ZDHHC6: variants seen among roughly 807,000 people sequenced by gnomAD.
ZDHHC6 encodes palmitoyltransferase ZDHHC6.
In ZDHHC6, 32 loss-of-function variants were observed where a neutral mutation model predicts 57.8. The observed-to-expected ratio is 0.55, with a 90% CI of 0.42 to 0.74. ZDHHC6 has a LOEUF of 0.74. Ranked by LOEUF, ZDHHC6 falls within the 30% of genes least tolerant of loss-of-function variation. The pLI, the probability that ZDHHC6 is intolerant of heterozygous loss-of-function variation, is 0.00. For synonymous variants in ZDHHC6, 128 were observed against 158.0 expected, an observed-to-expected ratio of 0.81 and a Z score of 1.42; for missense variants, 433 against 500.7, an observed-to-expected ratio of 0.86 and a Z score of 1.29.
At chr10:112,439,829 T>C (rs1304121804) in intron 5 of ZDHHC6, among the ~76,000 whole-genome samples, 2 of 151,894 alleles carry the variant, frequency 1.3e-5, no homozygotes, top group Non-Finnish European at 2.9e-5. Flanking sequence ...CTCTTCATTA[T>C]CATTTATGCA....
At chr10:112,433,038 G>T (rs1016499790) in intron 8 of ZDHHC6, among the ~76,000 whole-genome samples, 9 of 152,130 alleles carry the variant, frequency 5.9e-5, no homozygotes, top group South Asian at 2.1e-4. Flanking sequence ...CAATATAAAT[G>T]GACTAAATTC....
At chr10:112,425,564 T>C, downstream of ZDHHC6, 1 of 1,173,194 alleles carries the variant, frequency 8.5e-7, no homozygotes. Flanking sequence ...TATAGTTGGG[T>C]TCAGAATGAG....
rs1025600038 is a variant in ZDHHC6, at chr10:112,446,907, A to C, written c.-417T>G. ...GCACCTCTCGGCCAGCGCCCTCGCCAGGACTCTCCCGCTCAGGCCCCCTGC... is the reference window on the plus strand; with the variant it reads ...GCACCTCTCGGCCAGCGCCCTCGCCCGGACTCTCCCGCTCAGGCCCCCTGC... On this transcript the variant is annotated 5_prime_UTR_variant, in exon 1 of 11. Transcript: ENST00000369405. 1 of 197,930 alleles carries C rather than the reference A, an allele frequency of 5.1e-6. No individual in the cohort carries two copies. Among genetic ancestry groups the C allele is most frequent in the African/African-American group, 2.3e-5 (1 of 43,106 alleles). The allele number at this position is 197,930 out of a possible 1,614,324, so 12.3% of individuals were successfully genotyped here.
At position 112,442,210 on chromosome 10, in the gene ZDHHC6, G is replaced by A. The variant is rs1341361322; in HGVS notation, c.501C>T (p.Tyr167=). 2 of 1,612,896 alleles carry A rather than the reference G, an allele frequency of 1.2e-6. No homozygotes were observed. The highest frequency in any genetic ancestry group is 1.3e-5 in the African/African-American group (1 of 74,872). The change falls in exon 4 of 11, where the codon TAC becomes TAT. Residue 167 remains tyrosine (Y), a synonymous_variant. Coordinates refer to ENST00000369405, the MANE Select transcript of ZDHHC6 (RefSeq NM_022494.3). ...CACTTACCCGATGATAAAGCTGTGTGTACATAGTCATCACAAAAATGAAAG... is the reference window on the plus strand; with the variant it reads ...CACTTACCCGATGATAAAGCTGTGTATACATAGTCATCACAAAAATGAAAG... ...HAAFIFVMTM[Y]TQLYHRLSFG... is the part of the protein sequence containing the mutation.
At chr10:112,426,670 A>G (rs1358651602), downstream of ZDHHC6, 5 of 871,618 alleles carry the variant, frequency 5.7e-6, no homozygotes, top group African/African-American at 6.7e-5. Flanking sequence ...GCTTGTGCAT[A>G]GTTTTATATT....
intron 5 of ZDHHC6, among the ~76,000 whole-genome samples, chr10:112,439,459 C>T (rs112926911): frequency 1.5e-3 from 222 of 151,298 alleles, no homozygotes; most frequent in African/African-American, 4.5e-3. Context: ...GGTGAAACCC[C>T]GTCTCCACTA....
chr10:112,447,271 G>C, upstream of ZDHHC6: 2 of 1,280,526 alleles, frequency 1.6e-6, no homozygotes, highest in Admixed American at 2.0e-5. Context: ...TTCTGCTCTC[G>C]GGGGCACCTT....
chr10:112,434,434 C>T lies in ZDHHC6; in HGVS notation c.766G>A (p.Asp256Asn). 1 of 1,613,736 alleles carries T rather than the reference C, an allele frequency of 6.2e-7. No individual in the cohort carries two copies. The highest frequency in any genetic ancestry group is 8.5e-7 in the Non-Finnish European group (1 of 1,179,782). Residue 256 changes from aspartate (D) to asparagine (N), a missense_variant, in exon 7 of 11, where the codon GAT (aspartate) becomes AAT (asparagine). Transcript: ENST00000369405. ...AKDRIQYYQLDEVFVFPYDMG... is the reference protein window; with the variant it reads ...AKDRIQYYQLNEVFVFPYDMG... ...TCATATGGAAAAACAAAGACTTCAT[C>T]TAGTTGATAATACTGAATTCGATCT...
intron 4 of ZDHHC6, 69 bp from the exon 5 acceptor site, chr10:112,440,764 A>C (rs1846033356): frequency 1.4e-6 from 2 of 1,429,704 alleles, no homozygotes; most frequent in Non-Finnish European, 1.9e-6. Flanking sequence ...CTACTGTGAC[A>C]CGTAAAACAA....
chr10:112,447,222 C>T (rs1013492236), upstream of ZDHHC6: 1 of 695,552 alleles, frequency 1.4e-6, no homozygotes, highest in African/African-American at 1.8e-5. Flanking sequence ...GACGAACAAC[C>T]AGGAAGCGGC....
intron 6 of ZDHHC6, among the ~76,000 whole-genome samples, chr10:112,437,166 C>G (rs1845624968): frequency 6.6e-6 from 1 of 151,944 alleles, no homozygotes; most frequent in Admixed American, 6.6e-5. Context: ...CTTGTATCTA[C>G]CACTGTGAGC....
In ZDHHC6 at chr10:112,439,669, A is replaced by AAAAAAAAAAAAAAAAAT. The variant is rs757796332; in HGVS notation, c.681+864_681+865insATTTTTTTTTTTTTTTT. ...AAAAAAAAAAAAAAAAAAAAAAAAA[A>AAAAAAAAAAAAAAAAAT]GAATGAAAAAGAATGGTTTTTGGTC... On this transcript the variant is annotated intron_variant, in intron 5 of 10. Transcript: ENST00000369405. 3.7e-5 allele frequency among the ~76,000 whole-genome samples: 4 copies of AAAAAAAAAAAAAAAAAT among 108,562 alleles called. 2 individuals carry two copies. The highest frequency in any genetic ancestry group is 7.4e-5 in the Non-Finnish European group (4 of 54,134). 71.2% of individuals were successfully genotyped at this position (108,562 alleles called of 152,430 possible).
chr10:112,447,462 C>G (rs1337413641), upstream of ZDHHC6: 3 of 1,613,298 alleles, frequency 1.9e-6, no homozygotes, highest in Non-Finnish European at 2.5e-6. Context: ...CCACGACTCC[C>G]GCCTGGTGAG....
chr10:112,444,059 T>A (rs1366114961), intron 2 of ZDHHC6, among the ~76,000 whole-genome samples: 1 of 152,232 alleles, frequency 6.6e-6, no homozygotes, highest in African/African-American at 2.4e-5. Flanking sequence ...GTAGTTTTTC[T>A]TCAGCACAAA....
chr10:112,445,563 T>C lies in ZDHHC6; in HGVS notation c.-127A>G. ...GTCATGCCTTCAAGCTGTGAACTGTTAACGCAGATTACACCATTTTCACTG... is the reference window on the plus strand; with the variant it reads ...GTCATGCCTTCAAGCTGTGAACTGTCAACGCAGATTACACCATTTTCACTG... On this transcript the variant is annotated 5_prime_UTR_variant, in exon 2 of 11. Coordinates refer to ENST00000369405, the MANE Select transcript of ZDHHC6 (RefSeq NM_022494.3). 9.3e-7 allele frequency: 1 copy of C among 1,079,008 alleles called. No individual in the cohort carries two copies. Among genetic ancestry groups the C allele is most frequent in the Non-Finnish European group, 1.3e-6 (1 of 769,550 alleles). The allele number at this position is 1,079,008 out of a possible 1,614,324, so 66.8% of individuals were successfully genotyped here. A position where few individuals can be genotyped will look rare whatever the true frequency, so the allele number is the denominator to read the frequency against.
At chr10:112,426,453 G>A, downstream of ZDHHC6, 1 of 1,071,274 alleles carries the variant, frequency 9.3e-7, no homozygotes, top group Non-Finnish European at 1.4e-6. Flanking sequence ...ACAAGTGGCT[G>A]CAGCCCAAAC....
chr10:112,444,207 C>G (rs911973884), intron 2 of ZDHHC6, among the ~76,000 whole-genome samples: 1 of 152,178 alleles, frequency 6.6e-6, no homozygotes, highest in African/African-American at 2.4e-5. Flanking sequence ...TTTCAGCTGT[C>G]TCTGCCCTAC....
chr10:112,425,167 C>T (rs572912846), exon 12 of ZDHHC6: 9 of 539,062 alleles, frequency 1.7e-5, no homozygotes, highest in African/African-American at 5.9e-5. Flanking sequence ...TCTTGCTGCA[C>T]GATGCTTCCC....
intron 4 of ZDHHC6, among the ~76,000 whole-genome samples, chr10:112,441,092 G>A (rs1008699590): frequency 3.3e-5 from 5 of 152,096 alleles, no homozygotes; most frequent in Non-Finnish European, 7.4e-5. Flanking sequence ...GACCCACACC[G>A]CCTCAGCCTC....
Sources: gnomAD v4.1 joint callset for allele counts (sites outside exome capture counted in the v4.1 genomes callset) on GRCh38, gnomAD v4.1.1 for gene constraint, MANE v1.5 for transcripts, NCBI Gene and HGNC (gene_info 2026-07-23, HGNC 2026-07-21) for gene names.